The following PDCD11 variants were observed in gnomAD, a reference collection of about 807,000 sequenced individuals.
PDCD11 encodes protein RRP5 homolog.
PDCD11 carries 97 observed loss-of-function variants against 198.9 expected under a neutral mutation model. The observed-to-expected ratio is 0.49, with a 90% CI of 0.41 to 0.58. The LOEUF (loss-of-function observed/expected upper bound fraction) is 0.58. PDCD11 is among the 20% of genes least tolerant of loss of function. The pLI is 0.00. For missense variants in PDCD11, 2,102 were observed against 2,312.7 expected, an observed-to-expected ratio of 0.91 and a Z score of 1.87; for synonymous variants, 893 against 918.0, an observed-to-expected ratio of 0.97 and a Z score of 0.49.
chr10:103,416,639 G>A lies in PDCD11; in HGVS notation c.1667G>A (p.Gly556Asp). ...TTCATCATCAGGGTCAAGGACTATG[G>A]CTGCATTGTGAAGTTCTACAACAAT... ...HGFIIRVKDY[G>D]CIVKFYNNVQ... is the part of the protein sequence containing the mutation. Residue 556 changes from glycine (G) to aspartate (D), a missense_variant, in exon 13 of 36, where the codon GGC becomes GAC. Transcript: ENST00000369797. 6.2e-7 allele frequency: 1 copy of A among 1,614,260 alleles called. No homozygotes were observed. Among genetic ancestry groups the A allele is most frequent in the Non-Finnish European group, 8.5e-7 (1 of 1,180,050 alleles).
At chr10:103,423,376 A>G (rs2031546087) in intron 18 of PDCD11, among the ~76,000 whole-genome samples, 167 bp from the exon 19 acceptor site, 1 of 152,126 alleles carries the variant, frequency 6.6e-6, no homozygotes, top group Non-Finnish European at 1.5e-5. Context: ...CTGAACTTGA[A>G]CTATGGGAGG....
intron 17 of PDCD11, among the ~76,000 whole-genome samples, chr10:103,421,973 CAAAAAAAAAAAAA>C (rs964087668): frequency 1.9e-3 from 50 of 26,182 alleles, no homozygotes; most frequent in African/African-American, 6.3e-3. Flanking sequence ...GACTCCGTCT[CAAAAAAAAAAAAA>C]AAAAAAGAAA....
chr10:103,443,367 G>C, intron 33 of PDCD11, 34 bp downstream of exon 33: 3 of 1,563,152 alleles, frequency 1.9e-6, no homozygotes, highest in Non-Finnish European at 2.6e-6. Flanking sequence ...ACTCCTGGGA[G>C]TTCCAGGGCC....
chr10:103,419,441 A>C, intron 15 of PDCD11, 97 bp from the exon 16 acceptor site: 1 of 1,312,080 alleles, frequency 7.6e-7, no homozygotes. Flanking sequence ...AGCAGAGATC[A>C]GCCTGCAGTT....
chr10:103,405,966 A>G lies in PDCD11; in HGVS notation c.565-19A>G. 1 of 1,612,632 alleles carries G rather than the reference A, an allele frequency of 6.2e-7. No individual in the cohort carries two copies. Among genetic ancestry groups the G allele is most frequent in the Non-Finnish European group, 8.5e-7 (1 of 1,179,088 alleles). ...TTACCTTTGAATTGGAACTTCTGGG[A>G]CTACTTTCTCTTCCCCAGCTACTTA... On this transcript the variant is annotated intron_variant, in intron 5 of 35. Transcript: ENST00000369797.
rs1408771968 is a variant in PDCD11 at position 103,422,059 on chromosome 10, TTA to T, written c.2497+494_2497+495del. Among the ~76,000 whole-genome samples, 325 of 35,888 alleles carry T rather than the reference TTA, an allele frequency of 9.1e-3. 2 individuals carry two copies. The highest frequency in any genetic ancestry group is 0.029 in the South Asian group (44 of 1,534). 23.5% of individuals were successfully genotyped at this position (35,888 alleles called of 152,430 possible). ...GACCTGCATAAAGTGCACAATTTTA[TTA>T]TTATTATTATTATTATTATTATTAT... On this transcript the variant is annotated intron_variant, in intron 17 of 35. Transcript: ENST00000369797.
intron 8 of PDCD11, among the ~76,000 whole-genome samples, chr10:103,411,075 TAA>T (rs775346957): frequency 3.9e-4 from 53 of 135,178 alleles, no homozygotes; most frequent in Admixed American, 3.7e-4. Flanking sequence ...ACTCTGTCTT[TAA>T]AAAAAAAAAA....
At chr10:103,426,806 G>A (rs942422819) in intron 20 of PDCD11, among the ~76,000 whole-genome samples, 2 of 151,324 alleles carry the variant, frequency 1.3e-5, no homozygotes, top group East Asian at 3.9e-4. Context: ...AAAAAATCAG[G>A]TGAGGCTGGG....
chr10:103,409,592 T>TA lies in PDCD11; in HGVS notation c.871-106dup, dbSNP rs2030669658. On this transcript the variant is annotated intron_variant, in intron 7 of 35. Coordinates refer to ENST00000369797, the MANE Select transcript of PDCD11 (RefSeq NM_014976.2). ...TAAGAGTTACCTGGGAGAGGAGAGA[T>TA]ACACAGTTAGGGATACTATGGCATT... 5.1e-5 allele frequency: 37 copies of TA among 727,576 alleles called. 1 individual carries two copies. In the South Asian group the frequency reaches 5.7e-4, roughly 11 times the overall value. 45.1% of individuals were successfully genotyped at this position (727,576 alleles called of 1,614,324 possible).
chr10:103,399,593 C>A (rs1460978742), intron 2 of PDCD11: 3 of 152,228 alleles, frequency 2.0e-5, no homozygotes, highest in African/African-American at 7.2e-5. Context: ...CTAGACTAGG[C>A]TGTGCTCCAA....
chr10:103,440,388 A>T lies in PDCD11; in HGVS notation c.4247A>T (p.Lys1416Met). Residue 1416 changes from lysine (K) to methionine (M), a missense_variant, in exon 29 of 36, where the codon AAG becomes ATG. Lys to Met is a moderately conservative substitution (Grantham distance 95). Coordinates refer to ENST00000369797, the MANE Select transcript of PDCD11 (RefSeq NM_014976.2). The stretch of plus-strand genomic sequence containing the variant: ...GCTTCCTTGGAAGGGCAACTTACAA[A>T]GCAAGAGGAGAGGAAAACAGAGGCT... ...LSASLEGQLT[K>M]QEERKTEAEE... is the part of the protein sequence containing the mutation. 6.2e-7 allele frequency: 1 copy of T among 1,614,274 alleles called. No individual in the cohort carries two copies. Among genetic ancestry groups the T allele is most frequent in the Non-Finnish European group, 8.5e-7 (1 of 1,180,052 alleles).
chr10:103,429,374 A>T (rs995456258), intron 21 of PDCD11, among the ~76,000 whole-genome samples: 5 of 152,200 alleles, frequency 3.3e-5, no homozygotes, highest in Non-Finnish European at 7.3e-5. Context: ...TCAGGAAAAG[A>T]ACAAAGGATA....
rs1564763672 is a variant in PDCD11, at chr10:103,416,535, G to A, written c.1563G>A (p.Leu521=). 6.2e-7 allele frequency: 1 copy of A among 1,613,986 alleles called. No homozygotes were observed. The change falls in exon 13 of 36, where the codon CTG becomes CTA. Residue 521 remains leucine, a synonymous_variant. Transcript: ENST00000369797. ...AAGCCAAGAAGCTGATGATGACCCT[G>A]AAAAAAACCCTGATTGAGTCCAAAC... is the stretch of plus-strand genomic sequence containing the variant. The part of the protein sequence containing the change: ...DPEAKKLMMT[L]KKTLIESKLP...
chr10:103,405,082 A>G lies in PDCD11; in HGVS notation c.463A>G (p.Ser155Gly), dbSNP rs1380466245. ...PGMLVRCVVS[S>G]LGITDRGKKS... ...AATGCTGGTAAGATGTGTGGTGAGCAGTCTGGGCATCACAGACAGGGGCAA... is the reference window on the plus strand; with the variant it reads ...AATGCTGGTAAGATGTGTGGTGAGCGGTCTGGGCATCACAGACAGGGGCAA... The change falls in exon 5 of 36, where the codon AGT (serine) becomes GGT (glycine). Residue 155 changes from serine to glycine, a missense_variant. Ser to Gly is a moderately conservative substitution (Grantham distance 56, BLOSUM62 0). Transcript: ENST00000369797. 6.2e-7 allele frequency: 1 copy of G among 1,613,998 alleles called. No individual in the cohort carries two copies. Among genetic ancestry groups the G allele is most frequent in the East Asian group, 2.2e-5 (1 of 44,896 alleles).
At chr10:103,407,721 CTT>C (rs1356477917) in intron 7 of PDCD11, among the ~76,000 whole-genome samples, 1 of 151,504 alleles carries the variant, frequency 6.6e-6, no homozygotes, top group Non-Finnish European at 1.5e-5. Flanking sequence ...ACTAGCATGA[CTT>C]TCTTTTTTTT....
At chr10:103,407,553 A>G (rs1035151563) in intron 7 of PDCD11, among the ~76,000 whole-genome samples, 1 of 151,658 alleles carries the variant, frequency 6.6e-6, no homozygotes, top group African/African-American at 2.4e-5. Flanking sequence ...ACTGTGCGAG[A>G]CTCCGTCTCA....
chr10:103,444,456 A>T, intron 34 of PDCD11, 61 bp from the exon 35 acceptor site: 2 of 1,504,064 alleles, frequency 1.3e-6, no homozygotes, highest in Non-Finnish European at 1.8e-6. Flanking sequence ...CCTGCGGAAC[A>T]CTGTGTTGTG....
chr10:103,403,120 C>T lies in PDCD11; in HGVS notation c.237C>T (p.Ser79=), dbSNP rs769360161. 1.2e-6 allele frequency: 2 copies of T among 1,613,818 alleles called. No homozygotes were observed. The highest frequency in any genetic ancestry group is 1.7e-6 in the Non-Finnish European group (2 of 1,179,832). ...REKFEILSVE[S]LCEGMRILGC... Reference sequence around the variant, plus strand: ...ACATTTCACTTTTTCTCTTCTAGTCCCTGTGTGAGGGAATGCGTATTTTGG... The same window carrying T: ...ACATTTCACTTTTTCTCTTCTAGTCTCTGTGTGAGGGAATGCGTATTTTGG... The change falls in exon 4 of 36, where the codon TCC becomes TCT. Residue 79 remains serine, a splice_region_variant and synonymous_variant. Transcript: ENST00000369797.
At position 103,400,480 on chromosome 10, in the gene PDCD11, A is replaced by G; in HGVS notation, c.186A>G (p.Arg62=). The change falls in exon 3 of 36, where the codon AGA becomes AGG. Residue 62 remains arginine (R), a synonymous_variant. Transcript: ENST00000369797. ...AKTKKLKIEK[R]ESSKSAREKF... is the part of the protein sequence containing the mutation. ...CAAAAAAGTTGAAAATCGAAAAGAGAGAAAGCAGCAAGTCCGCAAGAGAGA... is the reference window on the plus strand; with the variant it reads ...CAAAAAAGTTGAAAATCGAAAAGAGGGAAAGCAGCAAGTCCGCAAGAGAGA... 3 of 1,614,104 alleles carry G rather than the reference A, an allele frequency of 1.9e-6. No individual in the cohort carries two copies. Among genetic ancestry groups the G allele is most frequent in the Non-Finnish European group, 2.5e-6 (3 of 1,179,982 alleles).
Sources: gnomAD v4.1 joint callset for allele counts (sites outside exome capture counted in the v4.1 genomes callset) on GRCh38, gnomAD v4.1.1 for gene constraint, MANE v1.5 for transcripts, NCBI Gene and HGNC (gene_info 2026-07-23, HGNC 2026-07-21) for gene names.